TENM3: variants seen among roughly 807,000 people sequenced by gnomAD.
TENM3 encodes teneurin-3.
A neutral mutation model predicts 255.1 loss-of-function variants in TENM3; 63 were observed. That is an observed-to-expected ratio of 0.25 (90% CI 0.20 to 0.30). TENM3 has a LOEUF of 0.30. Among genes scored for constraint, TENM3 ranks in the 10% least tolerant of loss-of-function variants. TENM3 has a pLI of 1.00. For synonymous variants in TENM3, 1,306 were observed against 1,322.3 expected (o/e 0.99, Z 0.27); for missense variants, 2,929 against 3,461.1 (o/e 0.85, Z 3.86).
chr4:182,764,126 T>G (rs1763456480), intron 22 of TENM3, among the ~76,000 whole-genome samples: 1 of 152,238 alleles, frequency 6.6e-6, no homozygotes, highest in Admixed American at 6.5e-5. Context: ...GAAAGTCTTT[T>G]CCATGCTACA....
chr4:182,637,049 G>A (rs146394786), intron 5 of TENM3, among the ~76,000 whole-genome samples: 2 of 152,226 alleles, frequency 1.3e-5, no homozygotes, highest in South Asian at 4.1e-4. Flanking sequence ...TTTTACATTA[G>A]TGGTACTAAC....
intron 3 of TENM3, among the ~76,000 whole-genome samples, chr4:182,426,927 TTTGCC>T (rs1771266026): frequency 6.6e-6 from 1 of 152,182 alleles, no homozygotes; most frequent in Non-Finnish European, 1.5e-5. Context: ...TTCCAAAATA[TTTGCC>T]TTTCAGTTTT....
chr4:181,694,723 G>T, the TENM3 span, among the ~76,000 whole-genome samples: 6 of 152,154 alleles, frequency 3.9e-5, no homozygotes, highest in East Asian at 9.6e-4. Flanking sequence ...TCCCGGAATG[G>T]AATACACAGA....
At chr4:182,353,739 G>A (rs1258838458) in intron 3 of TENM3, among the ~76,000 whole-genome samples, 1 of 152,070 alleles carries the variant, frequency 6.6e-6, no homozygotes, top group Non-Finnish European at 1.5e-5. Context: ...AGGCCAAGGC[G>A]GGTGGATCAC....
At chr4:182,653,259 A>G (rs1173588513) in intron 5 of TENM3, among the ~76,000 whole-genome samples, 2 of 152,176 alleles carry the variant, frequency 1.3e-5, no homozygotes, top group African/African-American at 2.4e-5. Flanking sequence ...AGAATATTCA[A>G]ATTTGATTAT....
intron 1 of TENM3, among the ~76,000 whole-genome samples, chr4:182,161,628 A>ATATATATGTGTATATATATATAC (rs1561152437): frequency 2.4e-5 from 2 of 84,140 alleles, no homozygotes; most frequent in African/African-American, 9.1e-5. Flanking sequence ...TATATATACA[A>ATATATATGTGTATATATATATAC]ATATATATAT....
intron 1 of TENM3, among the ~76,000 whole-genome samples, chr4:182,248,537 G>A (rs570138917): frequency 2.0e-5 from 3 of 152,284 alleles, no homozygotes; most frequent in African/African-American, 7.2e-5. Flanking sequence ...AGTAAGTTGG[G>A]TAATTTAAGT....
At chr4:181,738,102 C>A in the TENM3 span, among the ~76,000 whole-genome samples, 1 of 152,202 alleles carries the variant, frequency 6.6e-6, no homozygotes, top group Non-Finnish European at 1.5e-5. Flanking sequence ...ATTCTTCTGA[C>A]AAGTTGTCCA....
chr4:181,524,444 G>C, the TENM3 span, among the ~76,000 whole-genome samples: 1 of 152,160 alleles, frequency 6.6e-6, no homozygotes, highest in South Asian at 2.1e-4. Flanking sequence ...TGGGTCTGCA[G>C]CCAGCTGTGG....
the TENM3 span, among the ~76,000 whole-genome samples, chr4:181,590,862 A>G: frequency 6.6e-6 from 1 of 152,248 alleles, no homozygotes; most frequent in African/African-American, 2.4e-5. Context: ...GTTCAATTTT[A>G]TTATGAAGAA....
At chr4:182,764,403 C>A (rs915905177) in intron 22 of TENM3, among the ~76,000 whole-genome samples, 5 of 152,134 alleles carry the variant, frequency 3.3e-5, no homozygotes, top group Non-Finnish European at 7.3e-5. Context: ...GAGAGAAAGA[C>A]AAGTAAACAG....
intron 1 of TENM3, among the ~76,000 whole-genome samples, chr4:182,224,884 G>A (rs1229890050): frequency 2.0e-5 from 3 of 151,848 alleles, no homozygotes; most frequent in African/African-American, 7.3e-5. Context: ...TTACAGTCAC[G>A]CGCCGCCACA....
At chr4:181,514,079 G>A in the TENM3 span, among the ~76,000 whole-genome samples, 7 of 152,130 alleles carry the variant, frequency 4.6e-5, no homozygotes, top group Non-Finnish European at 1.0e-4. Flanking sequence ...TAAATAATAT[G>A]TATTTTAATT....
At chr4:182,106,444 G>A in the TENM3 span, among the ~76,000 whole-genome samples, 4 of 152,190 alleles carry the variant, frequency 2.6e-5, no homozygotes, top group Non-Finnish European at 5.9e-5. Flanking sequence ...GCGATGGAGC[G>A]AGGCCCCTGC....
At chr4:182,642,679 C>T (rs938034573) in intron 5 of TENM3, among the ~76,000 whole-genome samples, 1 of 152,130 alleles carries the variant, frequency 6.6e-6, no homozygotes, top group Non-Finnish European at 1.5e-5. Context: ...TCCCTCCAAA[C>T]CTGTTCGTTC....
the TENM3 span, among the ~76,000 whole-genome samples, chr4:181,719,905 C>G: frequency 2.0e-5 from 3 of 152,148 alleles, no homozygotes; most frequent in African/African-American, 7.2e-5. Flanking sequence ...TCCTTGGATT[C>G]GTATTTGGTA....
chr4:181,647,650 A>G, the TENM3 span, among the ~76,000 whole-genome samples: 1 of 152,234 alleles, frequency 6.6e-6, no homozygotes, highest in South Asian at 2.1e-4. Flanking sequence ...GTGAAGGGGG[A>G]GTCACTCCTC....
At chr4:182,135,204 CAAAAAAAAAAAA>C in the TENM3 span, among the ~76,000 whole-genome samples, 43 of 81,562 alleles carry the variant, frequency 5.3e-4, no homozygotes, top group Middle Eastern at 9.4e-3. Context: ...GACTCGGTCT[CAAAAAAAAAAAA>C]AAAAAAAAAA....
At chr4:182,037,046 G>A in the TENM3 span, among the ~76,000 whole-genome samples, 11 of 151,270 alleles carry the variant, frequency 7.3e-5, no homozygotes, top group African/African-American at 2.7e-4. Context: ...TATACTAACA[G>A]GATGGAAAAA....
Sources: gnomAD v4.1 joint callset for allele counts (sites outside exome capture counted in the v4.1 genomes callset) on GRCh38, gnomAD v4.1.1 for gene constraint, MANE v1.5 for transcripts, NCBI Gene and HGNC (gene_info 2026-07-23, HGNC 2026-07-21) for gene names.